Variants in UHRF1 observed in about 807,000 individuals in gnomAD.
UHRF1 encodes ubiquitin like with PHD and ring finger domains 1.
Under a neutral mutation model 96.5 loss-of-function variants are expected in UHRF1, and 9 were observed. That is an observed-to-expected ratio of 0.09 (90% CI 0.06 to 0.16). UHRF1 has a LOEUF of 0.16. Ranked by LOEUF, UHRF1 falls within the 10% of genes least tolerant of loss-of-function variation. The pLI, the probability that UHRF1 is intolerant of heterozygous loss-of-function variation, is 1.00. For missense variants in UHRF1, 626 were observed against 1,131.1 expected, an observed-to-expected ratio of 0.55 and a Z score of 6.40; for synonymous variants, 455 against 469.9, an observed-to-expected ratio of 0.97 and a Z score of 0.41.
At chr19:4,934,256 A>C (rs1253134540) in intron 5 of UHRF1, among the ~76,000 whole-genome samples, 2 of 150,934 alleles carry the variant, frequency 1.3e-5, no homozygotes, top group Admixed American at 6.6e-5. Flanking sequence ...CTGGTCTCGA[A>C]CTCCTGACCT....
intron 11 of UHRF1, among the ~76,000 whole-genome samples, chr19:4,948,226 G>A (rs1203409734): frequency 6.6e-6 from 1 of 152,020 alleles, no homozygotes; most frequent in African/African-American, 2.4e-5. Flanking sequence ...CCATATGTAA[G>A]TGAGTGAGCA....
chr19:4,935,789 A>T (rs73921811), intron 5 of UHRF1, among the ~76,000 whole-genome samples: 1 of 152,068 alleles, frequency 6.6e-6, no homozygotes, highest in Non-Finnish European at 1.5e-5. Flanking sequence ...CCATACTTTT[A>T]TGGGGAGAAA....
rs1002941373 is a variant in UHRF1 at position 4,954,250 on chromosome 19, T to C, written c.1819-100T>C. On this transcript the variant is annotated intron_variant, in intron 13 of 16. Transcript: ENST00000650932. This position sits in a 1 kb window ranked among gnomAD's most constrained non-coding sequence, Gnocchi z 5.9. ...CTTCAGGGGGATTGGGGGTCAGGTG[T>C]GTCTGGAAACCCAGACCTGGCAAGG... 6.6e-7 allele frequency: 1 copy of C among 1,522,746 alleles called. No individual in the cohort carries two copies. Among genetic ancestry groups the C allele is most frequent in the African/African-American group, 1.4e-5 (1 of 72,708 alleles). The allele number at this position is 1,522,746 out of a possible 1,614,324, so 94.3% of individuals were successfully genotyped here. A position where few individuals can be genotyped will look rare whatever the true frequency, so the allele number is the denominator to read the frequency against.
intron 2 of UHRF1, among the ~76,000 whole-genome samples, chr19:4,915,273 C>T (rs1456856601): frequency 1.3e-5 from 2 of 152,246 alleles, no homozygotes; most frequent in Non-Finnish European, 2.9e-5. Context: ...CTCCCACCCA[C>T]TGCGGCATCC....
rs1418890026 is a variant in UHRF1 at position 4,942,357 on chromosome 19, A to AT, written c.1073+432dup. Among the ~76,000 whole-genome samples the AT allele has an allele frequency of 3.4e-5, 5 of 148,608 alleles. No individual in the cohort carries two copies. In the East Asian group the frequency reaches 8.0e-4, roughly 24 times the overall value. ...AGGCGCCCGCCTCCACGCCTGGCTA[A>AT]TTTTTTGTATTTTTAGTAGAGATGG... On this transcript the variant is annotated intron_variant, in intron 7 of 16. Transcript: ENST00000650932.
intron 2 of UHRF1, among the ~76,000 whole-genome samples, chr19:4,924,074 C>G (rs2146315351): frequency 6.6e-6 from 1 of 152,368 alleles, no homozygotes; most frequent in East Asian, 1.9e-4. Context: ...TCAAATGATT[C>G]TGTTGCCTTA....
At chr19:4,909,783 G>A (rs1275410731) in intron 1 of UHRF1, 128 bp downstream of exon 1, 12 of 459,402 alleles carry the variant, frequency 2.6e-5, no homozygotes, top group African/African-American at 2.1e-5. Flanking sequence ...GGGATCCAGG[G>A]CCTCCCCTTC....
intron 7 of UHRF1, 42 bp downstream of exon 7, chr19:4,941,973 C>A: frequency 7.0e-7 from 1 of 1,438,644 alleles, no homozygotes; most frequent in Non-Finnish European, 9.2e-7. Flanking sequence ...CAGAGCGCCC[C>A]CTACAAATCC....
chr19:4,959,853 T>C (rs1316342469), intron 16 of UHRF1, among the ~76,000 whole-genome samples: 11 of 151,760 alleles, frequency 7.2e-5, no homozygotes, highest in Admixed American at 7.2e-4. Flanking sequence ...GCCCGGCTAA[T>C]TTTTTTGTTT....
chr19:4,931,324 T>G (rs1045060439), intron 4 of UHRF1, among the ~76,000 whole-genome samples: 3 of 152,186 alleles, frequency 2.0e-5, no homozygotes, highest in African/African-American at 7.2e-5. Flanking sequence ...CGGTGTGGCT[T>G]AAACACGGAC....
chr19:4,913,252 CTT>C (rs4022195), intron 2 of UHRF1, among the ~76,000 whole-genome samples: 4 of 111,182 alleles, frequency 3.6e-5, no homozygotes, highest in Non-Finnish European at 6.9e-5. Flanking sequence ...GTACATTGTG[CTT>C]TTTTTTTTTT....
intron 10 of UHRF1, among the ~76,000 whole-genome samples, 192 bp downstream of exon 10, chr19:4,946,157 AC>A (rs1376592540): frequency 6.6e-6 from 1 of 151,832 alleles, no homozygotes; most frequent in African/African-American, 2.4e-5. Context: ...CCAAACTGAA[AC>A]GTTGTCTCCA....
In UHRF1 at chr19:4,960,848, A is replaced by G. The variant is rs1246692372; in HGVS notation, c.*45A>G. On this transcript the variant is annotated 3_prime_UTR_variant, in exon 17 of 17. Transcript: ENST00000650932. ...AGGCGTTTTGCTGAAAACGTGTCGG[A>G]GGGCTCGTTCATCGGCACTGATTTT... 8.9e-7 allele frequency: 1 copy of G among 1,124,300 alleles called. No individual in the cohort carries two copies. The highest frequency in any genetic ancestry group is 1.3e-6 in the Non-Finnish European group (1 of 779,334). The allele number at this position is 1,124,300 out of a possible 1,614,324, so 69.6% of individuals were successfully genotyped here.
rs373752374 is a variant in UHRF1, at chr19:4,941,704, G to T, written c.887-41G>T. On this transcript the variant is annotated intron_variant, in intron 6 of 16. Coordinates refer to ENST00000650932, the MANE Select transcript of UHRF1 (RefSeq NM_001048201.3). ...GGGCTCTTGTCCCGTCTCTGGCTTGGCCGGGCCCCGCCGGAGCTGACCCTG... is the reference window on the plus strand; with the variant it reads ...GGGCTCTTGTCCCGTCTCTGGCTTGTCCGGGCCCCGCCGGAGCTGACCCTG... 43 of 1,556,100 alleles carry T rather than the reference G, an allele frequency of 2.8e-5. No individual in the cohort carries two copies. The East Asian group carries it at 4.8e-4, about 17-fold the overall frequency.
intron 5 of UHRF1, among the ~76,000 whole-genome samples, chr19:4,939,283 C>G (rs2033314050): frequency 1.4e-5 from 2 of 142,000 alleles, no homozygotes; most frequent in Non-Finnish European, 3.0e-5. Context: ...TGGTCTCGAA[C>G]TTTTGAGTTC....
rs1347848860 is a variant in UHRF1, at chr19:4,954,345, T to G, written c.1819-5T>G. The G allele has an allele frequency of 4.3e-6, 7 of 1,611,662 alleles. No homozygotes were observed. The highest frequency in any genetic ancestry group is 5.9e-6 in the Non-Finnish European group (7 of 1,179,454). ...GACTCACGGCTGTCCCTCTTCCTCC[T>G]GAAGTATCCAGAAGGCTACCTGGAA... On this transcript the variant is annotated splice_region_variant and splice_polypyrimidine_tract_variant and intron_variant, in intron 13 of 16. Transcript: ENST00000650932. This position sits in a 1 kb window ranked among gnomAD's most constrained non-coding sequence, Gnocchi z 5.9.
chr19:4,950,570 A>G, intron 11 of UHRF1, 41 bp from the exon 12 acceptor site: 2 of 1,588,844 alleles, frequency 1.3e-6, no homozygotes, highest in Non-Finnish European at 8.5e-7. Flanking sequence ...TGGGGGGTAC[A>G]TCCTCACCTA....
At chr19:4,946,617 C>G (rs917937287) in intron 10 of UHRF1, among the ~76,000 whole-genome samples, 3 of 149,032 alleles carry the variant, frequency 2.0e-5, no homozygotes, top group African/African-American at 7.4e-5. Flanking sequence ...GAGTCTCATT[C>G]TGGCTGGAGT....
Position 4,931,090 on chromosome 19 carries a change from G to A in UHRF1, c.569+214G>A, listed in dbSNP as rs542823043. Among the ~76,000 whole-genome samples the A allele has an allele frequency of 7.2e-5, 11 of 152,302 alleles. No homozygotes were observed. The South Asian group carries it at 2.3e-3, about 32-fold the overall frequency. On this transcript the variant is annotated intron_variant, in intron 4 of 16. Coordinates refer to ENST00000650932, the MANE Select transcript of UHRF1 (RefSeq NM_001048201.3). ...GCCCCCTCCTGTGTCTCCGCGGAGG[G>A]TTCTGCTCGATCAGTGGCTGAAACT...
Sources: gnomAD v4.1 joint callset for allele counts (sites outside exome capture counted in the v4.1 genomes callset) on GRCh38, gnomAD v4.1.1 for gene constraint, Gnocchi (gnomAD v3.1) non-coding constraint, MANE v1.5 for transcripts, NCBI Gene and HGNC (gene_info 2026-07-23, HGNC 2026-07-21) for gene names.